PCDHGA8: variants seen among roughly 807,000 people sequenced by gnomAD.
The protein encoded by PCDHGA8 is protocadherin gamma-A8.
PCDHGA8 carries 45 observed loss-of-function variants against 59.2 expected under a neutral mutation model. That is an observed-to-expected ratio of 0.76 (90% CI 0.60 to 0.98). The LOEUF is 0.98. Among genes scored for constraint, PCDHGA8 ranks in the 50% least tolerant of loss-of-function variants. The probability of loss-of-function intolerance (pLI) is 0.00; values close to 1 mark genes in which losing one functional copy is unlikely to be tolerated. For missense variants in PCDHGA8, 1,257 were observed against 1,196.2 expected (o/e 1.05, Z -0.75); for synonymous variants, 531 against 519.0 (o/e 1.02, Z -0.32).
rs2093157144 is a variant in PCDHGA8 at position 141,395,057 on chromosome 5, T to A, written c.2244T>A (p.Ala748=). 6.2e-7 allele frequency: 1 copy of A among 1,614,042 alleles called. No individual in the cohort carries two copies. The highest frequency in any genetic ancestry group is 8.5e-7 in the Non-Finnish European group (1 of 1,180,036). The change falls in exon 1 of 4, where the codon GCT becomes GCA. Residue 748 remains alanine, a synonymous_variant. Transcript: ENST00000398604. ...SHFVGVEEVQ[A]FLQTYSQEVS... The stretch of plus-strand genomic sequence containing the variant: ...TTGTGGGTGTTGAGGAGGTACAGGC[T>A]TTCCTGCAGACCTATTCCCAGGAAG...
At chr5:141,398,343 G>A (rs1393305647) in intron 1 of PCDHGA8, 6 of 1,380,544 alleles carry the variant, frequency 4.3e-6, no homozygotes, top group Non-Finnish European at 6.0e-6. Context: ...GTTCGGAGAA[G>A]CCTTACTTCA....
chr5:141,443,243 C>T (rs755331096), intron 1 of PCDHGA8, among the ~76,000 whole-genome samples: 9 of 151,618 alleles, frequency 5.9e-5, no homozygotes, highest in Non-Finnish European at 1.0e-4. Flanking sequence ...CACTTTGGGG[C>T]GCCAAGGCGG....
chr5:141,434,174 C>T (rs1310074584), intron 1 of PCDHGA8, among the ~76,000 whole-genome samples: 1 of 152,132 alleles, frequency 6.6e-6, no homozygotes, highest in Non-Finnish European at 1.5e-5. Flanking sequence ...GGGATTATAT[C>T]CAAGATTTGT....
chr5:141,476,238 G>C lies in PCDHGA8; in HGVS notation c.2425-18569G>C, dbSNP rs764976894. ...ATTCACTATGAGATCCCGGAGGAAA[G>C]AGAGAAGGGTTTCGCTGTGGGCAAC... On this transcript the variant is annotated intron_variant, in intron 1 of 3. Coordinates refer to ENST00000398604, the MANE Select transcript of PCDHGA8 (RefSeq NM_032088.2). The surrounding 1 kb of genome is among the most constrained non-coding windows in gnomAD (Gnocchi z 7.6). 1 of 1,614,098 alleles carries C rather than the reference G, an allele frequency of 6.2e-7. No individual in the cohort carries two copies.
rs771759945 is a variant in PCDHGA8, at chr5:141,405,371, G to A, written c.2424+10134G>A. 49 of 1,598,874 alleles carry A rather than the reference G, an allele frequency of 3.1e-5. No individual in the cohort carries two copies. The highest frequency in any genetic ancestry group is 3.7e-5 in the Non-Finnish European group (43 of 1,176,096). ...GTTTCCTATAGAAGACACCCCTTTG[G>A]TTCCGGTGAGTTCATTTTTTTTCTT... On this transcript the variant is annotated intron_variant, in intron 1 of 3. Transcript: ENST00000398604.
chr5:141,472,164 G>C (rs2099273083), intron 1 of PCDHGA8, among the ~76,000 whole-genome samples: 1 of 152,158 alleles, frequency 6.6e-6, no homozygotes, highest in Non-Finnish European at 1.5e-5. Flanking sequence ...TAGCTACTAG[G>C]TGTAATATCC....
intron 1 of PCDHGA8, among the ~76,000 whole-genome samples, chr5:141,474,061 T>A (rs2099339173): frequency 1.3e-5 from 2 of 152,058 alleles, no homozygotes; most frequent in Admixed American, 6.6e-5. Flanking sequence ...CAGAGCGAGA[T>A]CCTGCCTCAG....
Position 141,431,240 on chromosome 5 carries a change from G to A in PCDHGA8, c.2424+36003G>A, listed in dbSNP as rs1402814836. 6 of 1,614,044 alleles carry A rather than the reference G, an allele frequency of 3.7e-6. No individual in the cohort carries two copies. Among genetic ancestry groups the A allele is most frequent in the Non-Finnish European group, 5.1e-6 (6 of 1,180,056 alleles). On this transcript the variant is annotated intron_variant, in intron 1 of 3. Coordinates refer to ENST00000398604, the MANE Select transcript of PCDHGA8 (RefSeq NM_032088.2). The surrounding 1 kb of genome is among the most constrained non-coding windows in gnomAD (Gnocchi z 4.8). Reference sequence around the variant, plus strand: ...CCCTCTACCCCACGCCTGGGATCCGGATATCGGGAAGAACTCTCTGCAGAG... The same window carrying A: ...CCCTCTACCCCACGCCTGGGATCCGAATATCGGGAAGAACTCTCTGCAGAG...
rs747159210 is a variant in PCDHGA8, at chr5:141,511,184, A to C, written c.*11A>C. 1.2e-5 allele frequency: 19 copies of C among 1,613,876 alleles called. No homozygotes were observed. In the Admixed American group the frequency reaches 3.2e-4, roughly 27 times the overall value. ...AAGGAGAAGAAGTAACATGGAGGCC[A>C]GGCCAAGAGCCACAGGGCGGCCTCT... is the stretch of plus-strand genomic sequence containing the variant. On this transcript the variant is annotated 3_prime_UTR_variant, in exon 4 of 4. Transcript: ENST00000398604.
At chr5:141,508,983 C>T (rs532410967) in intron 3 of PCDHGA8, among the ~76,000 whole-genome samples, 44 of 152,148 alleles carry the variant, frequency 2.9e-4, no homozygotes, top group Non-Finnish European at 4.4e-4. Flanking sequence ...GGGGTGGGGG[C>T]CAGCTGGGGT....
At chr5:141,402,854 C>T (rs1589466051) in intron 1 of PCDHGA8, 2 of 1,423,530 alleles carry the variant, frequency 1.4e-6, no homozygotes, top group East Asian at 2.5e-5. Flanking sequence ...CCTCTTTCTT[C>T]TAAGGAAAAG....
chr5:141,451,314 G>A (rs1286009420), intron 1 of PCDHGA8, among the ~76,000 whole-genome samples: 1 of 152,218 alleles, frequency 6.6e-6, no homozygotes, highest in Non-Finnish European at 1.5e-5. Context: ...AGCAATTAAA[G>A]TGTCACCTAA....
chr5:141,423,338 T>A, intron 1 of PCDHGA8: 1 of 1,614,150 alleles, frequency 6.2e-7, no homozygotes, highest in Middle Eastern at 1.6e-4. Flanking sequence ...GTCTCCTGCA[T>A]CTTCCTGGTC....
intron 2 of PCDHGA8, among the ~76,000 whole-genome samples, chr5:141,500,942 C>T (rs937418207): frequency 2.0e-5 from 3 of 151,926 alleles, no homozygotes; most frequent in Non-Finnish European, 4.4e-5. Context: ...CATCTCGGCT[C>T]ACTGCAAGCT....
chr5:141,405,192 G>A (rs2154536235), intron 1 of PCDHGA8: 5 of 1,613,938 alleles, frequency 3.1e-6, no homozygotes, highest in East Asian at 2.2e-5. Context: ...GATGGGGTTC[G>A]AGCTTTCCTA....
Position 141,486,601 on chromosome 5 carries a change from C to A in PCDHGA8, c.2425-8206C>A, listed in dbSNP as rs770685748. On this transcript the variant is annotated intron_variant, in intron 1 of 3. Transcript: ENST00000398604. The surrounding 1 kb of genome is among the most constrained non-coding windows in gnomAD (Gnocchi z 5.0). ...ATCGCCCAGGGGACCTGCTTTGCTCCCTTGCAGCCTCTGACCCAGACTCTG... is the reference window on the plus strand; with the variant it reads ...ATCGCCCAGGGGACCTGCTTTGCTCACTTGCAGCCTCTGACCCAGACTCTG... The A allele has an allele frequency of 1.9e-6, 3 of 1,613,558 alleles. No homozygotes were observed. The highest frequency in any genetic ancestry group is 3.3e-5 in the Admixed American group (2 of 60,026).
At chr5:141,502,739 A>C (rs1287180048) in intron 2 of PCDHGA8, among the ~76,000 whole-genome samples, 1 of 152,070 alleles carries the variant, frequency 6.6e-6, no homozygotes, top group Non-Finnish European at 1.5e-5. Flanking sequence ...ATGTTCTGTC[A>C]TTCCTTCTAC....
chr5:141,422,260 G>A, intron 1 of PCDHGA8: 1 of 1,564,392 alleles, frequency 6.4e-7, no homozygotes, highest in South Asian at 1.2e-5. Context: ...GAATGATAAC[G>A]CTCCAGAAAT....
chr5:141,481,401 CT>C (rs2099537157), intron 1 of PCDHGA8, among the ~76,000 whole-genome samples: 1 of 152,204 alleles, frequency 6.6e-6, no homozygotes, highest in African/African-American at 2.4e-5. Flanking sequence ...TGACAAAATT[CT>C]TGTATAATTA....
Sources: allele counts gnomAD v4.1 joint callset (sites outside exome capture counted in the v4.1 genomes callset), GRCh38; gene constraint gnomAD v4.1.1; non-coding constraint Gnocchi (gnomAD v3.1); transcripts MANE v1.5; gene names NCBI Gene and HGNC (gene_info 2026-07-23, HGNC 2026-07-21).